The following PRDM5 variants were observed in gnomAD, a reference collection of about 807,000 sequenced individuals.
The protein encoded by PRDM5 is PR domain zinc finger protein 5.
In PRDM5, 56 loss-of-function variants were observed where a neutral mutation model predicts 81.2. The ratio of observed to expected loss-of-function variants is 0.69; its 90% confidence interval spans 0.56 to 0.86. PRDM5 has a LOEUF of 0.86. PRDM5 is among the 40% of genes least tolerant of loss of function. The pLI is 0.00. For missense variants in PRDM5, 697 were observed against 770.1 expected, an observed-to-expected ratio of 0.91 and a Z score of 1.12; for synonymous variants, 267 against 256.4, an observed-to-expected ratio of 1.04 and a Z score of -0.39.
At chr4:120,785,958 C>G (rs1304963428) in intron 10 of PRDM5, among the ~76,000 whole-genome samples, 1 of 152,042 alleles carries the variant, frequency 6.6e-6, no homozygotes, top group Non-Finnish European at 1.5e-5. Context: ...ACATTACACA[C>G]CAGTATAAAC....
intron 3 of PRDM5, among the ~76,000 whole-genome samples, chr4:120,823,985 C>G (rs979022269): frequency 1.3e-5 from 2 of 152,188 alleles, no homozygotes; most frequent in African/African-American, 4.8e-5. Flanking sequence ...TCCTTATCCC[C>G]TCTTTGACCA....
intron 1 of PRDM5, among the ~76,000 whole-genome samples, chr4:120,921,280 A>G (rs1724877707): frequency 6.6e-6 from 1 of 152,256 alleles, no homozygotes; most frequent in Non-Finnish European, 1.5e-5. Flanking sequence ...TGTTGATTTT[A>G]ACATTTGGCC....
intron 2 of PRDM5, among the ~76,000 whole-genome samples, chr4:120,891,447 G>A (rs1392936726): frequency 6.6e-6 from 1 of 151,934 alleles, no homozygotes; most frequent in East Asian, 1.9e-4. Context: ...CTAACTAGTG[G>A]TCCATTGACC....
At chr4:120,802,168 A>T (rs1752201586) in intron 8 of PRDM5, among the ~76,000 whole-genome samples, 1 of 152,240 alleles carries the variant, frequency 6.6e-6, no homozygotes, top group Admixed American at 6.5e-5. Flanking sequence ...TAAAGGGAAC[A>T]TCGACTATAT....
intron 7 of PRDM5, among the ~76,000 whole-genome samples, chr4:120,814,859 A>AT (rs1021144749): frequency 6.6e-6 from 1 of 152,234 alleles, no homozygotes; most frequent in African/African-American, 2.4e-5. Flanking sequence ...ATACAGCAAG[A>AT]TTTTACACTT....
intron 14 of PRDM5, among the ~76,000 whole-genome samples, chr4:120,744,812 C>T (rs976350251): frequency 1.8e-4 from 27 of 148,960 alleles, no homozygotes; most frequent in Non-Finnish European, 8.9e-5. Context: ...CAAAAAGAGT[C>T]CAGGACCAGA....
At chr4:120,832,570 AG>A (rs1240339512) in intron 3 of PRDM5, among the ~76,000 whole-genome samples, 1 of 152,136 alleles carries the variant, frequency 6.6e-6, no homozygotes, top group Non-Finnish European at 1.5e-5. Context: ...TGAGCTTGTG[AG>A]CCCCCTGAGG....
chr4:120,820,960 T>C (rs1463252885), intron 4 of PRDM5, among the ~76,000 whole-genome samples: 1 of 152,234 alleles, frequency 6.6e-6, no homozygotes, highest in Non-Finnish European at 1.5e-5. Flanking sequence ...TAGGCAGTCC[T>C]ATAGGGTACA....
At chr4:120,736,722 T>C (rs1362923717) in intron 14 of PRDM5, among the ~76,000 whole-genome samples, 1 of 152,130 alleles carries the variant, frequency 6.6e-6, no homozygotes, top group Non-Finnish European at 1.5e-5. Context: ...CCTAGCAGAG[T>C]GCTGGCATAT....
chr4:120,852,655 A>G (rs1759403383), intron 3 of PRDM5, among the ~76,000 whole-genome samples: 1 of 151,950 alleles, frequency 6.6e-6, no homozygotes, highest in Non-Finnish European at 1.5e-5. Context: ...CCTATTTTAT[A>G]TATACGTATA....
chr4:120,768,838 T>G (rs1193663670), intron 13 of PRDM5, among the ~76,000 whole-genome samples: 1 of 152,212 alleles, frequency 6.6e-6, no homozygotes, highest in African/African-American at 2.4e-5. Context: ...ATTTAAGCAC[T>G]GTAAGTTTAT....
At chr4:120,908,541 G>A (rs1269413637) in intron 1 of PRDM5, among the ~76,000 whole-genome samples, 1 of 152,106 alleles carries the variant, frequency 6.6e-6, no homozygotes, top group African/African-American at 2.4e-5. Flanking sequence ...CAACTCCTGA[G>A]AACAGTAAAA....
intron 15 of PRDM5, among the ~76,000 whole-genome samples, chr4:120,697,762 T>C (rs1282070581): frequency 6.7e-6 from 1 of 149,386 alleles, no homozygotes; most frequent in African/African-American, 2.5e-5. Flanking sequence ...CAAGGGATCC[T>C]TCTGCCTCAG....
Position 120,781,280 on chromosome 4 carries a change from G to C in PRDM5, c.1306C>G (p.His436Asp). ...HNSERTFKCH[H>D]CDATFKRKDT... ...TTCCTCTTAAAGGTAGCATCGCAGTGATGGCACTTGAAAGTCCTCTCACCT... is the reference window on the plus strand; with the variant it reads ...TTCCTCTTAAAGGTAGCATCGCAGTCATGGCACTTGAAAGTCCTCTCACCT... Residue 436 changes from histidine to aspartate, a missense_variant, in exon 12 of 16, where the codon CAC becomes GAC. Transcript: ENST00000264808. 1 of 1,613,120 alleles carries C rather than the reference G, an allele frequency of 6.2e-7. No individual in the cohort carries two copies. The highest frequency in any genetic ancestry group is 1.7e-5 in the Admixed American group (1 of 59,918).
chr4:120,715,894 TG>T (rs920967247), intron 14 of PRDM5, among the ~76,000 whole-genome samples: 3 of 152,126 alleles, frequency 2.0e-5, no homozygotes, highest in African/African-American at 7.2e-5. Flanking sequence ...AATCAAGACC[TG>T]GGCACCAAAG....
At chr4:120,822,691 T>C (rs343182) in intron 3 of PRDM5, among the ~76,000 whole-genome samples, 8,081 of 152,218 alleles carry the variant, frequency 0.053, 345 homozygotes, top group Middle Eastern at 0.15. Flanking sequence ...TTTTGAATAA[T>C]AAGCATGACT....
At chr4:120,835,619 G>A (rs961502097) in intron 3 of PRDM5, among the ~76,000 whole-genome samples, 2 of 152,108 alleles carry the variant, frequency 1.3e-5, no homozygotes, top group African/African-American at 4.8e-5. Context: ...CACCATCCAT[G>A]TAGGACGTGA....
chr4:120,779,860 A>G (rs2149235350), intron 12 of PRDM5, among the ~76,000 whole-genome samples: 1 of 152,238 alleles, frequency 6.6e-6, no homozygotes. Flanking sequence ...CGGAGAGCCG[A>G]GATGGCACCA....
chr4:120,742,307 G>C (rs1443233581), intron 14 of PRDM5, among the ~76,000 whole-genome samples: 1 of 152,194 alleles, frequency 6.6e-6, no homozygotes, highest in Non-Finnish European at 1.5e-5. Flanking sequence ...ACCAAAGGTA[G>C]ATAAAACCAC....
Sources: gnomAD v4.1 joint callset for allele counts (sites outside exome capture counted in the v4.1 genomes callset) on GRCh38, gnomAD v4.1.1 for gene constraint, MANE v1.5 for transcripts, NCBI Gene and HGNC (gene_info 2026-07-23, HGNC 2026-07-21) for gene names.